The following SH3TC2 variants were observed in gnomAD, a reference collection of about 807,000 sequenced individuals.
The protein encoded by SH3TC2 is SH3 domain and tetratricopeptide repeats 2.
Under a neutral mutation model 124.5 loss-of-function variants are expected in SH3TC2, and 87 were observed. The observed-to-expected ratio is 0.70, with a 90% confidence interval of 0.59 to 0.84. The LOEUF (loss-of-function observed/expected upper bound fraction) is 0.84. SH3TC2 is among the 40% of genes least tolerant of loss of function. The pLI, the probability that SH3TC2 is intolerant of heterozygous loss-of-function variation, is 0.00. For missense variants in SH3TC2, 1,536 were observed against 1,566.4 expected (o/e 0.98, Z 0.33); for synonymous variants, 634 against 628.5 (o/e 1.01, Z -0.13).
rs1185179021 is a variant in SH3TC2, at chr5:148,997,958, T to C, written c.*6753A>G. 6.6e-6 allele frequency among the ~76,000 whole-genome samples: 1 copy of C among 152,174 alleles called. No individual in the cohort carries two copies. Among genetic ancestry groups the C allele is most frequent in the Non-Finnish European group, 1.5e-5 (1 of 68,030 alleles). On this transcript the variant is annotated 3_prime_UTR_variant, in exon 17 of 17. Coordinates refer to ENST00000515425, the MANE Select transcript of SH3TC2 (RefSeq NM_024577.4). ...CACACTCTCTGGTCTCAAAAAGAAG[T>C]AAGATATCCATCAAATAATACATAG...
rs544196700 is a variant in SH3TC2, at chr5:148,992,895, A to T, written c.*11816T>A. Among the ~76,000 whole-genome samples the T allele has an allele frequency of 1.3e-5, 2 of 152,314 alleles. No homozygotes were observed. Among genetic ancestry groups the T allele is most frequent in the Non-Finnish European group, 2.9e-5 (2 of 68,028 alleles). On this transcript the variant is annotated 3_prime_UTR_variant, in exon 17 of 17. Coordinates refer to ENST00000515425, the MANE Select transcript of SH3TC2 (RefSeq NM_024577.4). ...GGGTTTGGGTATGGCTTGGAAAATC[A>T]TCATGCTTCACATATATCATTGACT...
chr5:149,038,742 C>T (rs566285828), intron 7 of SH3TC2, among the ~76,000 whole-genome samples: 16 of 152,090 alleles, frequency 1.1e-4, no homozygotes, highest in African/African-American at 3.9e-4. Context: ...TTTTAACAAA[C>T]ACAAAAAAAG....
chr5:149,043,442 T>C (rs920833021), intron 4 of SH3TC2, among the ~76,000 whole-genome samples: 1 of 152,202 alleles, frequency 6.6e-6, no homozygotes, highest in African/African-American at 2.4e-5. Flanking sequence ...CATGAACTAC[T>C]CGTATTGCTT....
intron 12 of SH3TC2, among the ~76,000 whole-genome samples, chr5:149,018,082 A>G (rs955214971): frequency 6.6e-6 from 1 of 152,206 alleles, no homozygotes; most frequent in African/African-American, 2.4e-5. Flanking sequence ...CACTGTTTGG[A>G]TATCAATCCC....
chr5:149,035,340 A>C (rs1319785227), intron 8 of SH3TC2: 5 of 152,210 alleles, frequency 3.3e-5, no homozygotes, highest in Non-Finnish European at 7.4e-5. Flanking sequence ...TAGGCACTTA[A>C]GTATACACAC....
chr5:149,034,437 G>T, intron 8 of SH3TC2: 1 of 375,920 alleles, frequency 2.7e-6, no homozygotes, highest in East Asian at 9.0e-5. Context: ...CGAGAGAGAG[G>T]CAATATTCAA....
At chr5:149,041,360 T>C in intron 6 of SH3TC2, 56 bp downstream of exon 6, 7 of 1,578,544 alleles carry the variant, frequency 4.4e-6, no homozygotes, top group Non-Finnish European at 6.1e-6. Context: ...TACTCTGTTC[T>C]GTGCAAACCT....
chr5:149,059,299 C>T (rs1351295580), intron 1 of SH3TC2, among the ~76,000 whole-genome samples: 2 of 152,084 alleles, frequency 1.3e-5, no homozygotes, highest in African/African-American at 4.8e-5. Flanking sequence ...ATTTTCTCTA[C>T]ATTAACCTGA....
At chr5:149,058,980 A>G (rs1231624155) in intron 1 of SH3TC2, among the ~76,000 whole-genome samples, 1 of 152,146 alleles carries the variant, frequency 6.6e-6, no homozygotes, top group Non-Finnish European at 1.5e-5. Flanking sequence ...GGTGAGTGTA[A>G]GAATGTGGGC....
At chr5:149,023,274 A>G (rs1022732957) in intron 12 of SH3TC2, among the ~76,000 whole-genome samples, 1 of 152,222 alleles carries the variant, frequency 6.6e-6, no homozygotes, top group African/African-American at 2.4e-5. Context: ...CCATAGTGTG[A>G]TAAAATGTTG....
Position 149,001,743 on chromosome 5 carries a change from G to C in SH3TC2, c.*2968C>G, listed in dbSNP as rs1580884187. 1 of 152,096 alleles carries C rather than the reference G, an allele frequency of 6.6e-6. No individual in the cohort carries two copies. Among genetic ancestry groups the C allele is most frequent in the East Asian group, 1.9e-4 (1 of 5,196 alleles). The allele number at this position is 152,096 out of a possible 1,614,324, so 9.4% of individuals were successfully genotyped here. On this transcript the variant is annotated 3_prime_UTR_variant, in exon 17 of 17. Transcript: ENST00000515425. ...AAACATGCTAAACATTTTTATAACTGACCTGGTTATGGGTAAATTCATCAG... is the reference window on the plus strand; with the variant it reads ...AAACATGCTAAACATTTTTATAACTCACCTGGTTATGGGTAAATTCATCAG...
intron 7 of SH3TC2, 103 bp downstream of exon 7, chr5:149,040,501 C>A: frequency 9.3e-7 from 1 of 1,073,930 alleles, no homozygotes; most frequent in Non-Finnish European, 1.4e-6. Context: ...CTAGCAGAGA[C>A]GAGACAAAAA....
intron 12 of SH3TC2, among the ~76,000 whole-genome samples, chr5:149,016,175 T>C (rs959924693): frequency 1.3e-5 from 2 of 152,182 alleles, no homozygotes; most frequent in African/African-American, 4.8e-5. Context: ...ATCAGTACTA[T>C]TATCATATTC....
chr5:149,054,692 T>C (rs1754612806), intron 1 of SH3TC2, among the ~76,000 whole-genome samples: 1 of 152,224 alleles, frequency 6.6e-6, no homozygotes, highest in Admixed American at 6.5e-5. Flanking sequence ...AGGAGCCTCA[T>C]TGTCATATGG....
intron 12 of SH3TC2, among the ~76,000 whole-genome samples, chr5:149,019,988 C>G (rs1753940693): frequency 1.3e-5 from 2 of 152,174 alleles, no homozygotes; most frequent in African/African-American, 4.8e-5. Context: ...TAACCTCACT[C>G]AGAGCTCACT....
intron 8 of SH3TC2, among the ~76,000 whole-genome samples, chr5:149,037,913 T>C (rs1223324259): frequency 1.3e-5 from 2 of 152,066 alleles, no homozygotes; most frequent in African/African-American, 2.4e-5. Flanking sequence ...CTCCCAGCCC[T>C]ATGTGGGATC....
At chr5:149,005,641 C>T (rs896168851) in intron 16 of SH3TC2, among the ~76,000 whole-genome samples, 1 of 152,124 alleles carries the variant, frequency 6.6e-6, no homozygotes, top group Admixed American at 6.5e-5. Context: ...CCCGGCCCTC[C>T]CTACATGGTA....
chr5:149,014,860 C>T (rs1753844386), intron 12 of SH3TC2, among the ~76,000 whole-genome samples: 1 of 152,332 alleles, frequency 6.6e-6, no homozygotes, highest in East Asian at 1.9e-4. Flanking sequence ...GCCTCCACAA[C>T]TCTCCTCACT....
intron 13 of SH3TC2, among the ~76,000 whole-genome samples, 167 bp downstream of exon 13, chr5:149,012,417 C>G (rs1185465951): frequency 6.6e-6 from 1 of 152,168 alleles, no homozygotes; most frequent in Non-Finnish European, 1.5e-5. Context: ...TCAGACCACC[C>G]TGGTTTCCAC....
Sources: gnomAD v4.1 joint callset for allele counts (sites outside exome capture counted in the v4.1 genomes callset) on GRCh38, gnomAD v4.1.1 for gene constraint, MANE v1.5 for transcripts, NCBI Gene and HGNC (gene_info 2026-07-23, HGNC 2026-07-21) for gene names.